Variants in C17orf50 observed in about 807,000 individuals in gnomAD.
The protein encoded by C17orf50 is plakoglobin binding and degradation factor, also known as uncharacterized protein C17orf50.
Under a neutral mutation model 17.7 loss-of-function variants are expected in C17orf50, and 16 were observed. The ratio of observed to expected loss-of-function variants is 0.90; its 90% CI spans 0.61 to 1.37. C17orf50 has a LOEUF of 1.37. Among genes scored for constraint, C17orf50 ranks in the 40% most tolerant of loss-of-function variants. The pLI is 0.00. For missense variants in C17orf50, 271 were observed against 240.7 expected (o/e 1.13, Z -0.83); for synonymous variants, 125 against 111.0 (o/e 1.13, Z -0.80).
rs1419111218 is a variant in C17orf50 at position 35,764,436 on chromosome 17, C to T, written c.343C>T (p.Leu115Phe). The T allele has an allele frequency of 1.9e-6, 3 of 1,544,948 alleles. No individual in the cohort carries two copies. In the African/African-American group the frequency reaches 4.2e-5, roughly 22 times the overall value. The stretch of plus-strand genomic sequence containing the variant: ...GGTCCCCGCCGGCAGGAAGCGGAGC[C>T]TCCCGGAGGAGCCGTGCGTGCTGGA... Reference protein sequence around the residue: ...LTAPTDRKRSLPEEPCVLEIR... With the variant: ...LTAPTDRKRSFPEEPCVLEIR... The change falls in exon 3 of 3, where the codon CTC (leucine) becomes TTC (phenylalanine). Residue 115 changes from leucine to phenylalanine, a missense_variant. Coordinates refer to ENST00000605587, the MANE Select transcript of C17orf50 (RefSeq NM_145272.4).
At chr17:35,761,326 G>A (rs1330035747) in intron 1 of C17orf50, among the ~76,000 whole-genome samples, 1 of 151,732 alleles carries the variant, frequency 6.6e-6, no homozygotes, top group Non-Finnish European at 1.5e-5. Context: ...GGCCAGGCTG[G>A]TCGCGAACTC....
chr17:35,763,164 G>A (rs1045820179), intron 1 of C17orf50, among the ~76,000 whole-genome samples: 13 of 151,982 alleles, frequency 8.6e-5, no homozygotes, highest in Non-Finnish European at 1.3e-4. Context: ...CAGGGGAGGC[G>A]GCTCGTGGCT....
At position 35,760,924 on chromosome 17, in the gene C17orf50, G is replaced by C; in HGVS notation, c.-18G>C. 6.2e-7 allele frequency: 1 copy of C among 1,613,732 alleles called. No homozygotes were observed. Among genetic ancestry groups the C allele is most frequent in the Non-Finnish European group, 8.5e-7 (1 of 1,180,006 alleles). ...CCCAGTCTCTGATCAGGGAAAGCAG[G>C]GCACAGCCTTGGGAAGAATGGATAA... On this transcript the variant is annotated 5_prime_UTR_variant, in exon 1 of 3. Transcript: ENST00000605587.
chr17:35,761,052 A>G (rs2085807257), intron 1 of C17orf50, 98 bp downstream of exon 1: 2 of 1,337,490 alleles, frequency 1.5e-6, no homozygotes, highest in Admixed American at 2.8e-5. Context: ...ACCTTTTCTC[A>G]GTTACCCATC....
intron 1 of C17orf50, among the ~76,000 whole-genome samples, chr17:35,762,990 C>T (rs1211305387): frequency 2.0e-5 from 3 of 151,926 alleles, no homozygotes; most frequent in East Asian, 1.9e-4. Context: ...GGCGTGGTGG[C>T]GGGCGCCTAT....
rs375994450 is a variant in C17orf50 at position 35,762,148 on chromosome 17, G to A, written c.13+1194G>A. Reference sequence around the variant, plus strand: ...TGGGATTACAGGCATGCACTGCCACGCCCAGCTAATTTGGTATTTTTAGTA... The same window carrying A: ...TGGGATTACAGGCATGCACTGCCACACCCAGCTAATTTGGTATTTTTAGTA... On this transcript the variant is annotated intron_variant, in intron 1 of 2. Coordinates refer to ENST00000605587, the MANE Select transcript of C17orf50 (RefSeq NM_145272.4). Among the ~76,000 whole-genome samples the A allele has an allele frequency of 5.8e-4, 88 of 152,126 alleles. No individual in the cohort carries two copies. The South Asian group carries it at 0.015, about 26-fold the overall frequency.
At position 35,764,615 on chromosome 17, in the gene C17orf50, C is replaced by T; in HGVS notation, c.522C>T (p.Ser174=). Residue 174 remains serine (S), a synonymous_variant, in exon 3 of 3, where the codon TCC becomes TCT. Coordinates refer to ENST00000605587, the MANE Select transcript of C17orf50 (RefSeq NM_145272.4). The part of the protein sequence containing the change: ...DLGKAGAAGN[S] Reference sequence around the variant, plus strand: ...GTAAGGCGGGGGCCGCTGGGAACTCCTGAGCGCCCCCGCTCCCAGCCTTTG... The same window carrying T: ...GTAAGGCGGGGGCCGCTGGGAACTCTTGAGCGCCCCCGCTCCCAGCCTTTG... 6.3e-7 allele frequency: 1 copy of T among 1,579,198 alleles called. No homozygotes were observed. The highest frequency in any genetic ancestry group is 1.2e-5 in the South Asian group (1 of 86,746).
chr17:35,763,491 G>A (rs746153227), intron 1 of C17orf50, among the ~76,000 whole-genome samples: 77 of 113,324 alleles, frequency 6.8e-4, no homozygotes, highest in Middle Eastern at 7.2e-3. Context: ...TGACCTTGTT[G>A]CCCACACTGG....
Position 35,764,133 on chromosome 17 carries a change from C to A in C17orf50, c.140C>A (p.Ala47Glu). 6.5e-7 allele frequency: 1 copy of A among 1,549,518 alleles called. No individual in the cohort carries two copies. The highest frequency in any genetic ancestry group is 8.7e-7 in the Non-Finnish European group (1 of 1,146,780). The change falls in exon 2 of 3, where the codon GCG becomes GAG. Residue 47 changes from alanine (A) to glutamate (E), a missense_variant. Transcript: ENST00000605587. ...AACCAGAGGCCGCTGGAGGACAGCGCGACGGAGGGCGAGGAGCCGCCGCGG... is the reference window on the plus strand; with the variant it reads ...AACCAGAGGCCGCTGGAGGACAGCGAGACGGAGGGCGAGGAGCCGCCGCGG... Reference protein sequence around the residue: ...EDNQRPLEDSATEGEEPPRVA... With the variant: ...EDNQRPLEDSETEGEEPPRVA...
chr17:35,762,728 C>A (rs1555601740), intron 1 of C17orf50, among the ~76,000 whole-genome samples: 1 of 152,146 alleles, frequency 6.6e-6, no homozygotes, highest in Non-Finnish European at 1.5e-5. Flanking sequence ...ACCCGCCTGC[C>A]CACCCCACCA....
At position 35,764,519 on chromosome 17, in the gene C17orf50, C is replaced by A. The variant is rs2085896225; in HGVS notation, c.426C>A (p.Cys142Ter). Residue 142 changes from cysteine to a stop codon, truncating the protein, a stop_gained, in exon 3 of 3, where the codon TGC becomes TGA. Coordinates refer to ENST00000605587, the MANE Select transcript of C17orf50 (RefSeq NM_145272.4). LOFTEE classifies it high-confidence loss of function. ...GTGCTTGCTGCGAGCTCCTCTTCTG[C>A]AAGAAATGCAGGAGTCTGCACAGCC... is the stretch of plus-strand genomic sequence containing the variant. ...GGCACCELLF[C>*]KKCRSLHSHP... 1 of 1,598,120 alleles carries A rather than the reference C, an allele frequency of 6.3e-7. No individual in the cohort carries two copies. The highest frequency in any genetic ancestry group is 8.5e-7 in the Non-Finnish European group (1 of 1,174,918).
chr17:35,763,109 G>A (rs782264817), intron 1 of C17orf50, among the ~76,000 whole-genome samples: 13 of 145,348 alleles, frequency 8.9e-5, no homozygotes, highest in Non-Finnish European at 1.8e-4. Context: ...GCGACAGAGC[G>A]AGACTCCGTC....
At chr17:35,761,958 T>A (rs1391785108) in intron 1 of C17orf50, among the ~76,000 whole-genome samples, 5 of 152,194 alleles carry the variant, frequency 3.3e-5, no homozygotes, top group African/African-American at 9.6e-5. Context: ...TAGGATGGAC[T>A]GGGATCAAAA....
At chr17:35,762,233 G>A (rs191994929) in intron 1 of C17orf50, among the ~76,000 whole-genome samples, 11 of 151,998 alleles carry the variant, frequency 7.2e-5, no homozygotes, top group Non-Finnish European at 1.2e-4. Flanking sequence ...CAGGTGATCC[G>A]CCTGCTTCGG....
intron 1 of C17orf50, among the ~76,000 whole-genome samples, chr17:35,762,930 G>C (rs1555601770): frequency 6.6e-6 from 1 of 152,098 alleles, no homozygotes; most frequent in African/African-American, 2.4e-5. Context: ...AGACCATCCT[G>C]GCAAACATGG....
chr17:35,761,068 A>T, intron 1 of C17orf50, 114 bp downstream of exon 1: 10 of 1,077,774 alleles, frequency 9.3e-6, no homozygotes, highest in Non-Finnish European at 9.1e-6. Flanking sequence ...CCATCCATGT[A>T]GCTGCAAGCC....
In C17orf50 at chr17:35,764,484, C is replaced by T. The variant is rs782075768; in HGVS notation, c.391C>T (p.Arg131Cys). ...GGAGATCCGGCGACGACCGCCGCGC[C>T]GCGGGGGCTGTGCTTGCTGCGAGCT... ...VLEIRRRPPR[R>C]GGCACCELLF... Residue 131 changes from arginine (R) to cysteine (C), a missense_variant, in exon 3 of 3, where the codon CGC (arginine) becomes TGC (cysteine). Coordinates refer to ENST00000605587, the MANE Select transcript of C17orf50 (RefSeq NM_145272.4). The T allele has an allele frequency of 1.9e-6, 3 of 1,572,920 alleles. No individual in the cohort carries two copies. The highest frequency in any genetic ancestry group is 2.6e-6 in the Non-Finnish European group (3 of 1,162,038).
intron 1 of C17orf50, among the ~76,000 whole-genome samples, chr17:35,761,717 C>T (rs1181400219): frequency 1.3e-5 from 2 of 152,242 alleles, no homozygotes; most frequent in Non-Finnish European, 2.9e-5. Context: ...TAAAACACAG[C>T]TTGGAACACG....
intron 1 of C17orf50, among the ~76,000 whole-genome samples, chr17:35,761,302 G>A (rs1870672569): frequency 6.6e-6 from 1 of 151,636 alleles, no homozygotes; most frequent in African/African-American, 2.4e-5. Context: ...GTAGAGATGG[G>A]GTTTCACTAT....
Sources: allele counts gnomAD v4.1 joint callset (sites outside exome capture counted in the v4.1 genomes callset), GRCh38; gene constraint gnomAD v4.1.1; transcripts MANE v1.5; gene names NCBI Gene and HGNC (gene_info 2026-07-23, HGNC 2026-07-21).